EPB41L1: variants seen among roughly 807,000 people sequenced by gnomAD.
EPB41L1 encodes the protein erythrocyte membrane protein band 4.1 like 1, also known as band 4.1-like protein 1.
Under a neutral mutation model 97.8 loss-of-function variants are expected in EPB41L1, and 29 were observed. That is an observed-to-expected ratio of 0.30 (90% CI 0.22 to 0.40). The LOEUF is 0.40. Ranked by LOEUF, EPB41L1 falls within the 10% of genes least tolerant of loss-of-function variation. EPB41L1 has a pLI of 1.00. For synonymous variants in EPB41L1, 383 were observed against 459.2 expected, an observed-to-expected ratio of 0.83 and a Z score of 2.12; for missense variants, 812 against 1,162.3, an observed-to-expected ratio of 0.70 and a Z score of 4.38.
In EPB41L1 at chr20:36,195,031, T is replaced by C. The variant is rs561280139; in HGVS notation, c.1450-298T>C. Among the ~76,000 whole-genome samples the C allele has an allele frequency of 1.3e-4, 20 of 152,248 alleles. No individual in the cohort carries two copies. The highest frequency in any genetic ancestry group is 4.3e-4 in the African/African-American group (18 of 41,534). On this transcript the variant is annotated intron_variant, in intron 12 of 21. Coordinates refer to ENST00000338074, the MANE Select transcript of EPB41L1 (RefSeq NM_012156.2). This position sits in a 1 kb window ranked among gnomAD's most constrained non-coding sequence, Gnocchi z 4.6. ...TGTGAGCACAGGGCCTTGAACATGCTCCCACTGACAGCGAGAGCAGGGAAC... is the reference window on the plus strand; with the variant it reads ...TGTGAGCACAGGGCCTTGAACATGCCCCCACTGACAGCGAGAGCAGGGAAC...
Position 36,209,916 on chromosome 20 carries a change from C to T in EPB41L1, c.2079+18C>T. ...AGTTTGAGGTACAGTGGAGCTTCCT[C>T]AAGAGCCAGGCCCGCTGGGCACCGC... On this transcript the variant is annotated intron_variant, in intron 15 of 21. Coordinates refer to ENST00000338074, the MANE Select transcript of EPB41L1 (RefSeq NM_012156.2). This position sits in a 1 kb window ranked among gnomAD's most constrained non-coding sequence, Gnocchi z 4.2. 1.2e-6 allele frequency: 2 copies of T among 1,612,098 alleles called. No homozygotes were observed. Among genetic ancestry groups the T allele is most frequent in the Non-Finnish European group, 1.7e-6 (2 of 1,179,654 alleles).
chr20:36,214,137 T>C (rs1045580366), intron 16 of EPB41L1, among the ~76,000 whole-genome samples: 1 of 152,230 alleles, frequency 6.6e-6, no homozygotes, highest in African/African-American at 2.4e-5. Flanking sequence ...GGATAGAATT[T>C]GCCAGATAGT....
At chr20:36,096,235 T>TGCCTGAAATAGCACTCAGGC (rs1243946404) in intron 1 of EPB41L1, among the ~76,000 whole-genome samples, 12 of 152,152 alleles carry the variant, frequency 7.9e-5, no homozygotes, top group African/African-American at 2.7e-4. Flanking sequence ...CTCACACAGG[T>TGCCTGAAATAGCACTCAGGC]GCCTGAAATA....
chr20:36,188,241 A>C, intron 8 of EPB41L1, 106 bp from the exon 9 acceptor site: 1 of 1,482,562 alleles, frequency 6.7e-7, no homozygotes, highest in Non-Finnish European at 9.4e-7. Flanking sequence ...CCTGTTCCTG[A>C]GAGCTCGTTA....
In EPB41L1 at chr20:36,185,293, G is replaced by A. The variant is rs151312225; in HGVS notation, c.743G>A (p.Arg248Gln). 4.8e-5 allele frequency: 78 copies of A among 1,613,536 alleles called. No individual in the cohort carries two copies. Among genetic ancestry groups the A allele is most frequent in the Non-Finnish European group, 6.2e-5 (73 of 1,180,050 alleles). The change falls in exon 7 of 22, where the codon CGG becomes CAG. Residue 248 changes from arginine (R) to glutamine (Q), a missense_variant. Physicochemically the swap from Arg to Gln is conservative, Grantham distance 43 (BLOSUM62 1). Transcript: ENST00000338074. ...SELRFAPNQT[R>Q]ELEERIMELH... Reference sequence around the variant, plus strand: ...CTCCGCTTCGCCCCTAACCAGACCCGGGAGCTGGAGGAGAGGATCATGGAG... The same window carrying A: ...CTCCGCTTCGCCCCTAACCAGACCCAGGAGCTGGAGGAGAGGATCATGGAG...
At chr20:36,201,565 C>G (rs974389552) in intron 14 of EPB41L1, among the ~76,000 whole-genome samples, 4 of 152,214 alleles carry the variant, frequency 2.6e-5, no homozygotes, top group Non-Finnish European at 4.4e-5. Context: ...CTGAACTCCC[C>G]TGGAGCTTGG....
At position 36,206,818 on chromosome 20, in the gene EPB41L1, G is replaced by A. The variant is rs1378382083; in HGVS notation, c.1669-2670G>A. The A allele has an allele frequency of 1.1e-5, 14 of 1,289,750 alleles. No homozygotes were observed. The highest frequency in any genetic ancestry group is 2.1e-4 in the Middle Eastern group (1 of 4,718). 79.9% of individuals were successfully genotyped at this position (1,289,750 alleles called of 1,614,324 possible). ...CGCAGCCCGAGAGGAAGGGACCCCCGTGAGTGGAGATTTGCTGGGAAAGGC... is the reference window on the plus strand; with the variant it reads ...CGCAGCCCGAGAGGAAGGGACCCCCATGAGTGGAGATTTGCTGGGAAAGGC... On this transcript the variant is annotated intron_variant, in intron 14 of 21. Transcript: ENST00000338074. The surrounding 1 kb of genome is among the most constrained non-coding windows in gnomAD (Gnocchi z 5.5).
chr20:36,107,154 C>T (rs542787581), intron 1 of EPB41L1, among the ~76,000 whole-genome samples: 2 of 150,744 alleles, frequency 1.3e-5, no homozygotes, highest in Admixed American at 1.3e-4. Flanking sequence ...TAAAAGAATG[C>T]TCCCTTCATT....
chr20:36,220,251 G>A (rs766259082), intron 19 of EPB41L1, among the ~76,000 whole-genome samples: 4 of 152,230 alleles, frequency 2.6e-5, no homozygotes, highest in East Asian at 1.9e-4. Context: ...AGACAGATGC[G>A]GGTGTTCTAA....
chr20:36,198,117 C>A, intron 14 of EPB41L1, 76 bp downstream of exon 14: 1 of 1,311,346 alleles, frequency 7.6e-7, no homozygotes, highest in Non-Finnish European at 1.1e-6. Context: ...GACTTACACT[C>A]ATCCTCCACA....
intron 1 of EPB41L1, among the ~76,000 whole-genome samples, chr20:36,094,717 T>A (rs941751116): frequency 1.3e-5 from 2 of 152,174 alleles, no homozygotes; most frequent in Non-Finnish European, 2.9e-5. Flanking sequence ...CAGCAGAGGC[T>A]GGGGAAAGCT....
chr20:36,107,616 C>T (rs1026363478), intron 1 of EPB41L1, among the ~76,000 whole-genome samples: 9 of 145,946 alleles, frequency 6.2e-5, no homozygotes, highest in Non-Finnish European at 1.1e-4. Flanking sequence ...GATCACTTGA[C>T]GTCAGGAGTT....
intron 12 of EPB41L1, among the ~76,000 whole-genome samples, chr20:36,194,671 G>T (rs368003366): frequency 3.4e-4 from 52 of 152,276 alleles, no homozygotes; most frequent in African/African-American, 1.2e-3. Context: ...CCCTCTGACT[G>T]GGATCTGGAT....
chr20:36,226,823 C>T (rs528024513), intron 21 of EPB41L1, among the ~76,000 whole-genome samples: 59 of 152,238 alleles, frequency 3.9e-4, no homozygotes, highest in Non-Finnish European at 6.0e-4. Flanking sequence ...TATGGGCTTA[C>T]GAAGACATCC....
upstream of EPB41L1, chr20:36,152,338 C>T (rs2145443423): frequency 6.6e-6 from 1 of 152,572 alleles, no homozygotes; most frequent in Non-Finnish European, 1.5e-5. Context: ...AACATCCTGC[C>T]TCGGTCTTTG....
At chr20:36,158,836 C>T (rs1055996601) in intron 1 of EPB41L1, among the ~76,000 whole-genome samples, 2 of 152,196 alleles carry the variant, frequency 1.3e-5, no homozygotes, top group African/African-American at 2.4e-5. Context: ...ACTTCTCTCC[C>T]GCTTCTGTCT....
intron 1 of EPB41L1, among the ~76,000 whole-genome samples, chr20:36,104,187 A>AG (rs1352258528): frequency 1.3e-5 from 2 of 152,034 alleles, no homozygotes; most frequent in Non-Finnish European, 2.9e-5. Flanking sequence ...GAGTGAGTTG[A>AG]GGGGGGAGTC....
intron 2 of EPB41L1, among the ~76,000 whole-genome samples, chr20:36,174,818 A>T (rs1394483450): frequency 1.3e-5 from 2 of 152,206 alleles, no homozygotes; most frequent in Admixed American, 1.3e-4. Context: ...GGATAAAATG[A>T]GTTATCCAAA....
At chr20:36,157,294 G>A (rs1465719231) in intron 1 of EPB41L1, among the ~76,000 whole-genome samples, 1 of 152,208 alleles carries the variant, frequency 6.6e-6, no homozygotes, top group Non-Finnish European at 1.5e-5. Flanking sequence ...CACAATCAAA[G>A]TGATAGTATT....
Sources: allele counts gnomAD v4.1 joint callset (sites outside exome capture counted in the v4.1 genomes callset), GRCh38; gene constraint gnomAD v4.1.1; non-coding constraint Gnocchi (gnomAD v3.1); transcripts MANE v1.5; gene names NCBI Gene and HGNC (gene_info 2026-07-23, HGNC 2026-07-21).